CTTNBP2NL: variants seen among roughly 807,000 people sequenced by gnomAD.
The protein encoded by CTTNBP2NL is CTTNBP2 N-terminal like.
A neutral mutation model predicts 32.5 loss-of-function variants in CTTNBP2NL; 16 were observed. That is an observed-to-expected ratio of 0.49 (90% CI 0.33 to 0.75). CTTNBP2NL has a LOEUF of 0.75. CTTNBP2NL is among the 30% of genes least tolerant of loss of function. The pLI is 0.02. For synonymous variants in CTTNBP2NL, 298 were observed against 289.4 expected (o/e 1.03, Z -0.30); for missense variants, 645 against 756.0 (o/e 0.85, Z 1.72).
intron 1 of CTTNBP2NL, among the ~76,000 whole-genome samples, chr1:112,402,373 G>A (rs6703430): frequency 0.33 from 49,731 of 151,884 alleles, 8,732 homozygotes; most frequent in East Asian, 0.55. Context: ...AGCCAAGATC[G>A]CGCCATTGCA....
chr1:112,425,965 G>A (rs1371632315), intron 3 of CTTNBP2NL, among the ~76,000 whole-genome samples: 4 of 102,356 alleles, frequency 3.9e-5, no homozygotes, highest in Non-Finnish European at 9.8e-5. Context: ...CCGTGTGTGT[G>A]TGTGTGTGTG....
intron 5 of CTTNBP2NL, among the ~76,000 whole-genome samples, chr1:112,455,619 G>A (rs945661003): frequency 6.6e-6 from 1 of 152,240 alleles, no homozygotes; most frequent in Non-Finnish European, 1.5e-5. Flanking sequence ...CACAAAATGT[G>A]GTTGATACAG....
chr1:112,405,080 CA>C (rs555720417), intron 1 of CTTNBP2NL, among the ~76,000 whole-genome samples: 3 of 151,458 alleles, frequency 2.0e-5, no homozygotes, highest in South Asian at 2.1e-4. Context: ...AAAAAACAAA[CA>C]AAAAAAATGT....
At chr1:112,401,853 A>G (rs1648513357) in intron 1 of CTTNBP2NL, among the ~76,000 whole-genome samples, 1 of 152,216 alleles carries the variant, frequency 6.6e-6, no homozygotes, top group Non-Finnish European at 1.5e-5. Context: ...TAAATGTGTC[A>G]TTTGCTGTTT....
intron 4 of CTTNBP2NL, among the ~76,000 whole-genome samples, chr1:112,451,764 T>A (rs1364296899): frequency 9.6e-6 from 1 of 103,938 alleles, no homozygotes. Flanking sequence ...AGCAAGACTG[T>A]CTCAAAAAAA....
intron 1 of CTTNBP2NL, among the ~76,000 whole-genome samples, chr1:112,401,460 G>A (rs1397547481): frequency 1.3e-5 from 2 of 152,184 alleles, no homozygotes; most frequent in African/African-American, 2.4e-5. Context: ...CTATCTTTAA[G>A]TAGCATCATC....
At chr1:112,403,391 G>A (rs537363654) in intron 1 of CTTNBP2NL, among the ~76,000 whole-genome samples, 1 of 124,820 alleles carries the variant, frequency 8.0e-6, no homozygotes, top group Non-Finnish European at 1.6e-5. Flanking sequence ...TTTCCAACCA[G>A]CATTTTTTCA....
chr1:112,446,393 A>T (rs1265088542), intron 3 of CTTNBP2NL, among the ~76,000 whole-genome samples: 2 of 152,058 alleles, frequency 1.3e-5, no homozygotes, highest in East Asian at 1.9e-4. Flanking sequence ...GAAAAAAAAA[A>T]TTTGATACTT....
chr1:112,441,210 C>G (rs529872327), intron 3 of CTTNBP2NL, among the ~76,000 whole-genome samples: 2 of 152,304 alleles, frequency 1.3e-5, no homozygotes, highest in Admixed American at 1.3e-4. Context: ...AATCATCCCC[C>G]TGTCCCCAGA....
At chr1:112,428,006 C>T (rs1426503371) in intron 3 of CTTNBP2NL, among the ~76,000 whole-genome samples, 6 of 151,590 alleles carry the variant, frequency 4.0e-5, no homozygotes, top group Non-Finnish European at 5.9e-5. Context: ...ATATGAAGAA[C>T]GTTTAATGAC....
chr1:112,391,898 G>A (rs866459232), upstream of CTTNBP2NL, among the ~76,000 whole-genome samples: 7 of 152,078 alleles, frequency 4.6e-5, no homozygotes, highest in East Asian at 1.9e-4. Context: ...GGCTGAGACC[G>A]GAGAATAGCT....
intron 1 of CTTNBP2NL, among the ~76,000 whole-genome samples, chr1:112,399,318 CA>C (rs72332884): frequency 6.0e-4 from 47 of 78,016 alleles, no homozygotes; most frequent in South Asian, 1.6e-3. Flanking sequence ...GACTCTGTCT[CA>C]AAAAAAAAAA....
At chr1:112,421,191 C>A (rs1356340820) in intron 3 of CTTNBP2NL, among the ~76,000 whole-genome samples, 2 of 151,978 alleles carry the variant, frequency 1.3e-5, no homozygotes, top group Non-Finnish European at 2.9e-5. Flanking sequence ...TTAATCCCAG[C>A]ACTTTGGGAG....
At chr1:112,395,743 AG>A (rs1431986541), upstream of CTTNBP2NL, among the ~76,000 whole-genome samples, 3 of 147,230 alleles carry the variant, frequency 2.0e-5, no homozygotes, top group Non-Finnish European at 1.5e-5. Flanking sequence ...AAAAAAAAAA[AG>A]GGAGCAAGGA....
intron 3 of CTTNBP2NL, among the ~76,000 whole-genome samples, chr1:112,423,168 T>G (rs1309155597): frequency 2.6e-5 from 4 of 152,162 alleles, no homozygotes; most frequent in Non-Finnish European, 5.9e-5. Context: ...GTTTTCTCAT[T>G]ATTTAGTTTT....
Position 112,455,962 on chromosome 1 carries a change from T to C in CTTNBP2NL, c.470T>C (p.Phe157Ser). 1 of 1,582,354 alleles carries C rather than the reference T, an allele frequency of 6.3e-7. No individual in the cohort carries two copies. The highest frequency in any genetic ancestry group is 8.6e-7 in the Non-Finnish European group (1 of 1,169,368). Reference sequence around the variant, plus strand: ...TTTGAAAAATCCCAAGTGAAAAAGTTTGAAAAAGAACAGAAGAAGCTCTCT... The same window carrying C: ...TTTGAAAAATCCCAAGTGAAAAAGTCTGAAAAAGAACAGAAGAAGCTCTCT... The part of the protein sequence containing the change: ...LEFEKSQVKK[F>S]EKEQKKLSSQ... Residue 157 changes from phenylalanine to serine, a missense_variant, in exon 6 of 6, where the codon TTT (phenylalanine) becomes TCT (serine). By Grantham distance (155) the Phe-to-Ser change is radical. Transcript: ENST00000271277.
chr1:112,451,779 A>T (rs1650226116), intron 4 of CTTNBP2NL, among the ~76,000 whole-genome samples: 1 of 125,556 alleles, frequency 8.0e-6, no homozygotes, highest in Non-Finnish European at 1.8e-5. Flanking sequence ...AAAAAAAAAA[A>T]AAAAACACAA....
intron 3 of CTTNBP2NL, among the ~76,000 whole-genome samples, chr1:112,447,228 T>C (rs1217465123): frequency 5.1e-4 from 76 of 147,906 alleles, no homozygotes; most frequent in African/African-American, 1.9e-3. Flanking sequence ...GAGCCAAGAT[T>C]GTGCCACTGC....
intron 1 of CTTNBP2NL, among the ~76,000 whole-genome samples, chr1:112,399,757 T>C (rs1346597821): frequency 2.6e-5 from 4 of 152,164 alleles, no homozygotes; most frequent in African/African-American, 4.8e-5. Context: ...GCATGTTTTC[T>C]AAAGGCCATT....
Sources: gnomAD v4.1 joint callset for allele counts (sites outside exome capture counted in the v4.1 genomes callset) on GRCh38, gnomAD v4.1.1 for gene constraint, MANE v1.5 for transcripts, NCBI Gene and HGNC (gene_info 2026-07-23, HGNC 2026-07-21) for gene names.